ZNF469: variants seen among roughly 807,000 people sequenced by gnomAD.
ZNF469 encodes zinc finger protein 469.
Under a neutral mutation model 1.0 loss-of-function variants are expected in ZNF469, and 1 was observed. The observed-to-expected ratio is 1.00, with a 90% CI of 0.35 to 4.73. The LOEUF (loss-of-function observed/expected upper bound fraction) is 4.73. Ranked by LOEUF, ZNF469 falls within the 30% of genes most tolerant of loss-of-function variation. The probability of loss-of-function intolerance (pLI) is 0.16; values close to 1 mark genes in which losing one functional copy is unlikely to be tolerated. For synonymous variants in ZNF469, 2,703 were observed against 2,363.4 expected (o/e 1.14, Z -4.17); for missense variants, 6,100 against 5,356.3 (o/e 1.14, Z -4.33).
the ZNF469 span, among the ~76,000 whole-genome samples, chr16:88,130,706 CA>C: frequency 0.76 from 78,907 of 103,292 alleles, 30,443 homozygotes; most frequent in Non-Finnish European, 0.88. Flanking sequence ...AACTCTGTGT[CA>C]AAAAAAAAAA....
In ZNF469 at chr16:88,429,826, G is replaced by C. The variant is rs934864447; in HGVS notation, c.2356G>C (p.Ala786Pro). The C allele has an allele frequency of 6.5e-6, 10 of 1,546,246 alleles. No homozygotes were observed. In the East Asian group the frequency reaches 2.0e-4, roughly 30 times the overall value. ...CGCTGCCCCCAGAGTCCCTGCCGAC[G>C]CACACGCGGGCTTGCTCAGCCACGC... ...PPAAPRVPAD[A>P]HAGLLSHAKT... The change falls in exon 3 of 3, where the codon GCA (alanine) becomes CCA (proline). Residue 786 changes from alanine (A) to proline (P), a missense_variant. Coordinates refer to ENST00000565624, the MANE Select transcript of ZNF469 (RefSeq NM_001367624.2).
chr16:88,249,637 C>T, the ZNF469 span, among the ~76,000 whole-genome samples: 16 of 151,756 alleles, frequency 1.1e-4, no homozygotes, highest in Admixed American at 3.3e-4. Flanking sequence ...GGGATTTCAC[C>T]GTGTTAGCCA....
At chr16:88,137,694 G>A in the ZNF469 span, among the ~76,000 whole-genome samples, 2 of 152,238 alleles carry the variant, frequency 1.3e-5, no homozygotes, top group Admixed American at 6.5e-5. Context: ...ACTATGCTAT[G>A]AGCCATGGTA....
At chr16:88,155,733 C>G in the ZNF469 span, among the ~76,000 whole-genome samples, 1 of 152,188 alleles carries the variant, frequency 6.6e-6, no homozygotes, top group Non-Finnish European at 1.5e-5. Flanking sequence ...CACTTTTTGG[C>G]CATTACAAAT....
Position 88,438,800 on chromosome 16 carries a change from C to T in ZNF469, c.11330C>T (p.Pro3777Leu). Residue 3777 changes from proline (P) to leucine (L), a missense_variant, in exon 3 of 3, where the codon CCA (proline) becomes CTA (leucine). Physicochemically the swap from Pro to Leu is moderately conservative, Grantham distance 98 (BLOSUM62 -3). Transcript: ENST00000565624. ...AGCTTCCCCAGCCGGAGCCCTGCAC[C>T]AGAGAGGCTCCCCGCTCGAGCCCAA... is the stretch of plus-strand genomic sequence containing the variant. Reference protein sequence around the residue: ...KPSFPSRSPAPERLPARAQAK... With the variant: ...KPSFPSRSPALERLPARAQAK... 6.5e-7 allele frequency: 1 copy of T among 1,550,282 alleles called. No homozygotes were observed. Among genetic ancestry groups the T allele is most frequent in the Non-Finnish European group, 8.7e-7 (1 of 1,146,948 alleles).
chr16:88,377,984 G>C (rs771311765), upstream of ZNF469, among the ~76,000 whole-genome samples: 1 of 152,102 alleles, frequency 6.6e-6, no homozygotes, highest in Non-Finnish European at 1.5e-5. Context: ...ACCCAGGGAC[G>C]GACACCTGCA....
At chr16:88,305,886 TC>T in the ZNF469 span, among the ~76,000 whole-genome samples, 1 of 151,910 alleles carries the variant, frequency 6.6e-6, no homozygotes. Context: ...CACACATACA[TC>T]CCCAGCACAC....
At chr16:88,229,525 T>G in the ZNF469 span, among the ~76,000 whole-genome samples, 1 of 149,292 alleles carries the variant, frequency 6.7e-6, no homozygotes, top group South Asian at 2.1e-4. Context: ...TGTGTGCGTG[T>G]GTGCTGATGT....
In ZNF469 at chr16:88,427,357, A is replaced by T; in HGVS notation, c.-114A>T. On this transcript the variant is annotated 5_prime_UTR_variant, in exon 3 of 3. Coordinates refer to ENST00000565624, the MANE Select transcript of ZNF469 (RefSeq NM_001367624.2). ...CCTTTCCTTCCAGGCTCCACTCAGG[A>T]CCATGAGCGCAGGCTTCCCTGGGGC... 8.7e-7 allele frequency: 1 copy of T among 1,144,846 alleles called. No homozygotes were observed. Among genetic ancestry groups the T allele is most frequent in the African/African-American group, 1.6e-5 (1 of 63,736 alleles). The allele number at this position is 1,144,846 out of a possible 1,614,324, so 70.9% of individuals were successfully genotyped here.
At position 88,436,494 on chromosome 16, in the gene ZNF469, C is replaced by T. The variant is rs886052415; in HGVS notation, c.9024C>T (p.Asp3008=). The T allele has an allele frequency of 3.2e-6, 5 of 1,548,202 alleles. No homozygotes were observed. Among genetic ancestry groups the T allele is most frequent in the East Asian group, 2.4e-5 (1 of 40,920 alleles). Residue 3008 remains aspartate, a synonymous_variant, in exon 3 of 3, where the codon GAC becomes GAT. Coordinates refer to ENST00000565624, the MANE Select transcript of ZNF469 (RefSeq NM_001367624.2). ...TGGAGATGCCGGCCCCTGCCGATGA[C>T]TCCTCCTCTTCTCTCGGAGATGTGA... is the stretch of plus-strand genomic sequence containing the variant. ...RGLEMPAPAD[D]SSSSLGDVSP...
At chr16:88,151,304 A>G in the ZNF469 span, among the ~76,000 whole-genome samples, 2 of 152,368 alleles carry the variant, frequency 1.3e-5, no homozygotes, top group South Asian at 2.1e-4. This position sits in a 1 kb window ranked among gnomAD's most constrained non-coding sequence, Gnocchi z 5.4. Context: ...GTGGTCAGCC[A>G]GGAGCGTCCA....
At chr16:88,114,063 C>G in the ZNF469 span, among the ~76,000 whole-genome samples, 7 of 152,264 alleles carry the variant, frequency 4.6e-5, no homozygotes, top group Admixed American at 6.5e-5. Flanking sequence ...AGTCCTGTCC[C>G]CCACCCCCAG....
Position 88,437,960 on chromosome 16 carries a change from G to A in ZNF469, c.10490G>A (p.Ser3497Asn). ...GEDRPPPRGS[S>N]PILSEGSLPA... ...GACAGGCCTCCTCCCCGGGGAAGCA[G>A]CCCCATCCTGAGTGAGGGCTCTCTC... The change falls in exon 3 of 3, where the codon AGC (serine) becomes AAC (asparagine). Residue 3497 changes from serine to asparagine, a missense_variant. By Grantham distance (46) the Ser-to-Asn change is conservative (BLOSUM62 1). Coordinates refer to ENST00000565624, the MANE Select transcript of ZNF469 (RefSeq NM_001367624.2). 6.5e-7 allele frequency: 1 copy of A among 1,546,150 alleles called. No individual in the cohort carries two copies. Among genetic ancestry groups the A allele is most frequent in the Non-Finnish European group, 8.7e-7 (1 of 1,146,196 alleles).
chr16:88,399,584 G>C (rs11076691), intron 1 of ZNF469, among the ~76,000 whole-genome samples: 1 of 152,092 alleles, frequency 6.6e-6, no homozygotes, highest in Admixed American at 6.5e-5. Context: ...CTTGTCACAA[G>C]AGCCAGAAAT....
At chr16:88,321,796 C>T in the ZNF469 span, among the ~76,000 whole-genome samples, 1 of 152,236 alleles carries the variant, frequency 6.6e-6, no homozygotes, top group African/African-American at 2.4e-5. Context: ...GTTGGTAAGG[C>T]CTCACCTGAT....
intron 2 of ZNF469, among the ~76,000 whole-genome samples, chr16:88,426,142 GC>G (rs1307483305): frequency 2.0e-5 from 3 of 152,352 alleles, no homozygotes; most frequent in East Asian, 1.9e-4. Context: ...TCAGGAGGCA[GC>G]CCCCGCCTCC....
chr16:88,281,157 C>T, the ZNF469 span, among the ~76,000 whole-genome samples: 1 of 142,198 alleles, frequency 7.0e-6, no homozygotes, highest in Non-Finnish European at 1.6e-5. Context: ...GATGCTTGGT[C>T]AGTACTGTGC....
the ZNF469 span, among the ~76,000 whole-genome samples, chr16:88,157,554 C>T: frequency 3.9e-5 from 6 of 152,076 alleles, no homozygotes; most frequent in Non-Finnish European, 5.9e-5. Context: ...CTCCACCCTC[C>T]GCCACCCCCT....
chr16:88,418,659 G>A (rs1175544532), intron 1 of ZNF469, among the ~76,000 whole-genome samples: 6 of 151,572 alleles, frequency 4.0e-5, no homozygotes, highest in African/African-American at 4.9e-5. Context: ...AAGACAGGAC[G>A]AACACCATTC....
Sources: gnomAD v4.1 joint callset for allele counts (sites outside exome capture counted in the v4.1 genomes callset) on GRCh38, gnomAD v4.1.1 for gene constraint, Gnocchi (gnomAD v3.1) non-coding constraint, MANE v1.5 for transcripts, NCBI Gene and HGNC (gene_info 2026-07-23, HGNC 2026-07-21) for gene names.